IGF1R: variants seen among roughly 807,000 people sequenced by gnomAD.
The protein encoded by IGF1R is insulin like growth factor 1 receptor.
A neutral mutation model predicts 144.6 loss-of-function variants in IGF1R; 44 were observed. The observed-to-expected ratio is 0.30, with a 90% CI of 0.24 to 0.39. IGF1R has a LOEUF of 0.39. IGF1R is among the 10% of genes least tolerant of loss of function. The pLI is 1.00. For missense variants in IGF1R, 1,355 were observed against 1,833.7 expected (o/e 0.74, Z 4.77); for synonymous variants, 795 against 722.8 (o/e 1.10, Z -1.60).
intron 2 of IGF1R, among the ~76,000 whole-genome samples, chr15:98,831,103 C>T (rs1053397864): frequency 6.6e-6 from 1 of 152,206 alleles, no homozygotes; most frequent in South Asian, 2.1e-4. Flanking sequence ...ACCCAAACAC[C>T]TCCCACCAGG....
intron 1 of IGF1R, among the ~76,000 whole-genome samples, chr15:98,696,518 A>G (rs1187958440): frequency 6.6e-6 from 1 of 152,236 alleles, no homozygotes; most frequent in Non-Finnish European, 1.5e-5. Flanking sequence ...ATACATATTA[A>G]GAAAAAATCC....
At chr15:98,756,598 A>G (rs1215702837) in intron 2 of IGF1R, among the ~76,000 whole-genome samples, 3 of 152,044 alleles carry the variant, frequency 2.0e-5, no homozygotes, top group Non-Finnish European at 4.4e-5. Context: ...TCTTCAAAAA[A>G]CTAGGTATAT....
At position 98,890,208 on chromosome 15, in the gene IGF1R, G is replaced by C. The variant is rs139143147; in HGVS notation, c.641-1117G>C. On this transcript the variant is annotated intron_variant, in intron 2 of 20. Coordinates refer to ENST00000650285, the MANE Select transcript of IGF1R (RefSeq NM_000875.5). ...GCAACTGCATCTTGAATAGGAGCTA[G>C]GTAAAATGAGGCCGAATTCCCAGAC... The C allele has an allele frequency of 1.1e-3, 173 of 152,306 alleles. 1 individual carries two copies. Among genetic ancestry groups the C allele is most frequent in the African/African-American group, 4.0e-3 (165 of 41,558 alleles). The allele number at this position is 152,306 out of a possible 1,614,324, so 9.4% of individuals were successfully genotyped here. A position where few individuals can be genotyped will look rare whatever the true frequency, so the allele number is the denominator to read the frequency against.
chr15:98,733,443 A>G (rs975668796), intron 2 of IGF1R, among the ~76,000 whole-genome samples: 2 of 151,636 alleles, frequency 1.3e-5, no homozygotes, highest in Non-Finnish European at 2.9e-5. Flanking sequence ...CAGTCTCCCA[A>G]AGCGCTAGGA....
At chr15:98,664,168 G>A (rs1488074501) in intron 1 of IGF1R, among the ~76,000 whole-genome samples, 1 of 152,170 alleles carries the variant, frequency 6.6e-6, no homozygotes, top group Non-Finnish European at 1.5e-5. Flanking sequence ...ACGTTCACCT[G>A]TTGGAGCAAG....
intron 2 of IGF1R, among the ~76,000 whole-genome samples, chr15:98,737,954 G>A (rs373690720): frequency 7.2e-5 from 11 of 152,154 alleles, no homozygotes; most frequent in African/African-American, 2.2e-4. Context: ...TCCTGGTCCC[G>A]CAGCCGTTCC....
chr15:98,667,933 G>A lies in IGF1R; in HGVS notation c.94+18258G>A, dbSNP rs540708531. Among the ~76,000 whole-genome samples, 11 of 152,182 alleles carry A rather than the reference G, an allele frequency of 7.2e-5. No homozygotes were observed. In the South Asian group the frequency reaches 2.3e-3, roughly 32 times the overall value. On this transcript the variant is annotated intron_variant, in intron 1 of 20. Transcript: ENST00000650285. ...GATGAGAGGTGTTGCTCGTCCCTGGGTTGGTTCTCTTACGGGGCTGTATGG... is the reference window on the plus strand; with the variant it reads ...GATGAGAGGTGTTGCTCGTCCCTGGATTGGTTCTCTTACGGGGCTGTATGG...
chr15:98,702,195 G>C (rs1366791953), intron 1 of IGF1R, among the ~76,000 whole-genome samples: 1 of 151,934 alleles, frequency 6.6e-6, no homozygotes, highest in East Asian at 1.9e-4. Context: ...TTAGTTCTTA[G>C]GGATTTATTT....
chr15:98,718,288 T>C (rs768264604), intron 2 of IGF1R, among the ~76,000 whole-genome samples: 2 of 152,048 alleles, frequency 1.3e-5, no homozygotes, highest in Non-Finnish European at 1.5e-5. Context: ...CCAGAATCCA[T>C]GTGGGATGGG....
At chr15:98,737,484 A>C (rs1276507616) in intron 2 of IGF1R, among the ~76,000 whole-genome samples, 1 of 152,140 alleles carries the variant, frequency 6.6e-6, no homozygotes, top group Non-Finnish European at 1.5e-5. Context: ...TTTGGGTAGG[A>C]CTTACCCAAA....
chr15:98,772,931 T>G (rs970038306), intron 2 of IGF1R, among the ~76,000 whole-genome samples: 3 of 152,140 alleles, frequency 2.0e-5, no homozygotes, highest in African/African-American at 7.2e-5. Flanking sequence ...GTACAGCCAT[T>G]AATACTCCTT....
chr15:98,664,629 G>GTTGCAGT (rs1567063813), intron 1 of IGF1R, among the ~76,000 whole-genome samples: 2 of 148,472 alleles, frequency 1.3e-5, no homozygotes, highest in Non-Finnish European at 3.0e-5. Context: ...GAGGTTGGAG[G>GTTGCAGT]TTGCAGTGAG....
intron 2 of IGF1R, among the ~76,000 whole-genome samples, chr15:98,788,060 C>CTGTGTG (rs1275022774): frequency 1.1e-4 from 15 of 130,708 alleles, no homozygotes; most frequent in South Asian, 2.7e-4. Context: ...CTCTCTCTCT[C>CTGTGTG]TCTGTGTGTG....
intron 2 of IGF1R, among the ~76,000 whole-genome samples, chr15:98,828,634 G>A (rs145439936): frequency 2.5e-3 from 385 of 152,234 alleles, no homozygotes; most frequent in African/African-American, 8.9e-3. Context: ...TGGCCACAGG[G>A]TGTCTGCACC....
intron 5 of IGF1R, among the ~76,000 whole-genome samples, chr15:98,907,450 T>G (rs1395885745): frequency 6.6e-6 from 1 of 152,194 alleles, no homozygotes; most frequent in Non-Finnish European, 1.5e-5. Flanking sequence ...CTTTCTCCTT[T>G]GTGTGTTTAT....
At chr15:98,865,995 A>G (rs2012421141) in intron 2 of IGF1R, among the ~76,000 whole-genome samples, 1 of 152,222 alleles carries the variant, frequency 6.6e-6, no homozygotes, top group Non-Finnish European at 1.5e-5. Flanking sequence ...CAGAGTAGAT[A>G]CAACTTGCCC....
intron 2 of IGF1R, among the ~76,000 whole-genome samples, chr15:98,722,067 G>A (rs144914779): frequency 1.3e-5 from 2 of 152,246 alleles, no homozygotes; most frequent in East Asian, 3.9e-4. Context: ...TAGTTCCTTG[G>A]CCAGAGTTTC....
Position 98,950,864 on chromosome 15 carries a change from C to T in IGF1R, c.3722+2156C>T, listed in dbSNP as rs1028967724. 3.3e-4 allele frequency among the ~76,000 whole-genome samples: 50 copies of T among 152,114 alleles called. 1 individual carries two copies. Among genetic ancestry groups the T allele is most frequent in the South Asian group, 2.1e-4 (1 of 4,826 alleles). On this transcript the variant is annotated intron_variant, in intron 20 of 20. Transcript: ENST00000650285. ...CTTAGAATTCCATAGTCTCAGAAAT[C>T]ATTGTCCCTAATCAAACAATCAAGG...
At chr15:98,715,448 C>T (rs1024803385) in intron 2 of IGF1R, among the ~76,000 whole-genome samples, 19 of 152,198 alleles carry the variant, frequency 1.2e-4, no homozygotes, top group Non-Finnish European at 2.4e-4. Context: ...TCTGGAGCCC[C>T]TTCAGCTCTC....
Sources: gnomAD v4.1 joint callset for allele counts (sites outside exome capture counted in the v4.1 genomes callset) on GRCh38, gnomAD v4.1.1 for gene constraint, MANE v1.5 for transcripts, NCBI Gene and HGNC (gene_info 2026-07-23, HGNC 2026-07-21) for gene names.